Variants in ZNF765 observed in about 807,000 individuals in gnomAD.
ZNF765 encodes zinc finger protein 765.
ZNF765 carries 37 observed loss-of-function variants against 44.7 expected under a neutral mutation model. The ratio of observed to expected loss-of-function variants is 0.83; its 90% confidence interval spans 0.64 to 1.09. ZNF765 has a LOEUF of 1.09. Ranked by LOEUF, ZNF765 falls within the 50% of genes least tolerant of loss-of-function variation. The pLI is 0.00. For synonymous variants in ZNF765, 201 were observed against 213.7 expected, an observed-to-expected ratio of 0.94 and a Z score of 0.52; for missense variants, 594 against 626.1, an observed-to-expected ratio of 0.95 and a Z score of 0.55.
intron 1 of ZNF765, among the ~76,000 whole-genome samples, chr19:53,396,578 TAC>T (rs2085672662): frequency 6.6e-6 from 1 of 151,458 alleles, no homozygotes. Flanking sequence ...AACAGCTAAA[TAC>T]AGACTTTTTT....
chr19:53,396,742 T>G (rs1455852839), intron 1 of ZNF765, among the ~76,000 whole-genome samples: 1 of 152,208 alleles, frequency 6.6e-6, no homozygotes, highest in African/African-American at 2.4e-5. Context: ...TTGCCTTGCC[T>G]GTTAGTTTTT....
At chr19:53,399,570 A>G (rs4803099) in intron 2 of ZNF765, among the ~76,000 whole-genome samples, 65,981 of 151,904 alleles carry the variant, frequency 0.43, 17,519 homozygotes, top group Non-Finnish European at 0.6. Flanking sequence ...AATCCCAGCT[A>G]TTCAGGAAGC....
chr19:53,409,143 C>A lies in ZNF765; in HGVS notation c.*16C>A. On this transcript the variant is annotated 3_prime_UTR_variant, in exon 4 of 4. Coordinates refer to ENST00000396408, the MANE Select transcript of ZNF765 (RefSeq NM_001040185.3). ...ACACGTGTAATGAGTGTGGTAAGAC[C>A]TTCAATCAGGAGTTAACCCTTACAT... 2 of 1,597,898 alleles carry A rather than the reference C, an allele frequency of 1.3e-6. No individual in the cohort carries two copies. The highest frequency in any genetic ancestry group is 1.7e-6 in the Non-Finnish European group (2 of 1,165,914).
At chr19:53,402,853 C>T (rs575367584) in intron 3 of ZNF765, among the ~76,000 whole-genome samples, 1 of 152,256 alleles carries the variant, frequency 6.6e-6, no homozygotes, top group African/African-American at 2.4e-5. Context: ...AAACCCCATA[C>T]CTAATTATTG....
chr19:53,422,427 TG>T (rs1176174585), intron 3 of ZNF765, among the ~76,000 whole-genome samples: 8 of 152,212 alleles, frequency 5.3e-5, no homozygotes, highest in Admixed American at 1.3e-4. Flanking sequence ...GGTGAATACA[TG>T]TCTGTTCTTC....
rs770839554 is a variant in ZNF765 at position 53,407,839 on chromosome 19, A to T, written c.284A>T (p.His95Leu). 2 of 1,613,618 alleles carry T rather than the reference A, an allele frequency of 1.2e-6. No individual in the cohort carries two copies. Among genetic ancestry groups the T allele is most frequent in the Admixed American group, 3.3e-5 (2 of 59,934 alleles). ...TTCCAGGATATTGATAAAGATATTC[A>T]TGACATTGAGTTTCAGTGGCAAGAA... ...FCFQDIDKDI[H>L]DIEFQWQEDE... is the part of the protein sequence containing the mutation. The change falls in exon 4 of 4, where the codon CAT (histidine) becomes CTT (leucine). Residue 95 changes from histidine (H) to leucine (L), a missense_variant. Physicochemically the swap from His to Leu is moderately conservative, Grantham distance 99 (BLOSUM62 -3). This residue lies in a region of ZNF765 where 567 missense variants were observed against 572.6 expected (regional missense o/e 0.99). Transcript: ENST00000396408.
chr19:53,425,429 C>T (rs927492584), exon 4 of ZNF765: 1 of 152,274 alleles, frequency 6.6e-6, no homozygotes, highest in Non-Finnish European at 1.5e-5. Flanking sequence ...CCATCTCAGC[C>T]TCTGAAGTAG....
chr19:53,412,599 C>G (rs1278466432), downstream of ZNF765, among the ~76,000 whole-genome samples: 1 of 152,086 alleles, frequency 6.6e-6, no homozygotes, highest in Non-Finnish European at 1.5e-5. Flanking sequence ...GAGACTCTAT[C>G]AAAGTAAAAT....
At chr19:53,419,226 AATCAT>A (rs1230562974) in intron 3 of ZNF765, among the ~76,000 whole-genome samples, 2 of 152,176 alleles carry the variant, frequency 1.3e-5, no homozygotes, top group Non-Finnish European at 2.9e-5. Flanking sequence ...ACTTTACACA[AATCAT>A]AGAAAGAGTT....
chr19:53,414,487 ACACCC>A (rs2085861996), downstream of ZNF765, among the ~76,000 whole-genome samples: 2 of 1,912 alleles, frequency 1.0e-3, no homozygotes, highest in Non-Finnish European at 2.3e-3. Context: ...ACACACACAC[ACACCC>A]CCCCCCCCCC....
chr19:53,397,604 A>G (rs1230515580), intron 1 of ZNF765, among the ~76,000 whole-genome samples: 4 of 151,948 alleles, frequency 2.6e-5, no homozygotes, highest in Non-Finnish European at 4.4e-5. Flanking sequence ...GCTGGTCTCA[A>G]ACCTGAGCTC....
rs183300015 is a variant in ZNF765 at position 53,400,495 on chromosome 19, C to G, written c.16-1570C>G. On this transcript the variant is annotated intron_variant, in intron 2 of 3. Coordinates refer to ENST00000396408, the MANE Select transcript of ZNF765 (RefSeq NM_001040185.3). ...GATCTGACAAGATTCCCCCCTGTCCCCAACTGCCAATGTATCCTTTTGCAG... is the reference window on the plus strand; with the variant it reads ...GATCTGACAAGATTCCCCCCTGTCCGCAACTGCCAATGTATCCTTTTGCAG... Among the ~76,000 whole-genome samples, 237 of 152,144 alleles carry G rather than the reference C, an allele frequency of 1.6e-3. 6 individuals are homozygous for G. In the East Asian group the frequency reaches 0.043, roughly 27 times the overall value.
At position 53,402,053 on chromosome 19, in the gene ZNF765, T is replaced by C; in HGVS notation, c.16-12T>C. 6.2e-7 allele frequency: 1 copy of C among 1,613,792 alleles called. No homozygotes were observed. Among genetic ancestry groups the C allele is most frequent in the South Asian group, 1.1e-5 (1 of 91,030 alleles). On this transcript the variant is annotated splice_polypyrimidine_tract_variant and intron_variant, in intron 2 of 3. Coordinates refer to ENST00000396408, the MANE Select transcript of ZNF765 (RefSeq NM_001040185.3). ...CCCATAACCATTTGGTTAAAATGTG[T>C]TTTCATTTCAGGGTCTATTGACATT...
downstream of ZNF765, among the ~76,000 whole-genome samples, chr19:53,414,489 ACCCCCCCCCCCCCCCC>A (rs1160212994): frequency 9.8e-4 from 5 of 5,098 alleles, no homozygotes; most frequent in African/African-American, 3.5e-3. Context: ...ACACACACAC[ACCCCCCCCCCCCCCCC>A]CCCCGGGGAA....
At chr19:53,412,439 A>G (rs1214912522), downstream of ZNF765, among the ~76,000 whole-genome samples, 1 of 152,168 alleles carries the variant, frequency 6.6e-6, no homozygotes, top group East Asian at 1.9e-4. Flanking sequence ...AGGGATCTTG[A>G]TGAAGTTCAT....
chr19:53,397,464 C>T (rs1370611060), intron 1 of ZNF765, among the ~76,000 whole-genome samples: 1 of 152,052 alleles, frequency 6.6e-6, no homozygotes, highest in Admixed American at 6.6e-5. Flanking sequence ...GTCTCGAACT[C>T]CTGAGCTCAA....
intron 3 of ZNF765, among the ~76,000 whole-genome samples, chr19:53,420,250 TAA>T (rs1257162036): frequency 6.7e-6 from 1 of 149,082 alleles, no homozygotes; most frequent in African/African-American, 2.5e-5. Context: ...GAGAAATGCT[TAA>T]ACCAGGGAGT....
intron 3 of ZNF765, among the ~76,000 whole-genome samples, chr19:53,418,481 A>T (rs1019563852): frequency 7.2e-5 from 11 of 152,166 alleles, no homozygotes; most frequent in African/African-American, 2.7e-4. Context: ...CTGCCCTCTC[A>T]TATAATACTG....
In ZNF765 at chr19:53,409,205, A is replaced by C; in HGVS notation, c.*78A>C. 7.6e-7 allele frequency: 1 copy of C among 1,322,698 alleles called. No individual in the cohort carries two copies. Among genetic ancestry groups the C allele is most frequent in the Non-Finnish European group, 1.1e-6 (1 of 919,792 alleles). The allele number at this position is 1,322,698 out of a possible 1,614,324, so 81.9% of individuals were successfully genotyped here. A position where few individuals can be genotyped will look rare whatever the true frequency, so the allele number is the denominator to read the frequency against. On this transcript the variant is annotated 3_prime_UTR_variant, in exon 4 of 4. Transcript: ENST00000396408. ...CTTCATAGTGGAGAGAAACCTTACA[A>C]ATATGAAGAACTTGACAAAGCTTAC...
Sources: allele counts gnomAD v4.1 joint callset (sites outside exome capture counted in the v4.1 genomes callset), GRCh38; gene constraint gnomAD v4.1.1; regional missense constraint gnomAD v4.1.1; transcripts MANE v1.5; gene names NCBI Gene and HGNC (gene_info 2026-07-23, HGNC 2026-07-21).